Variants in EIF4G3 observed in about 807,000 individuals in gnomAD.
The protein encoded by EIF4G3 is eIF-4-gamma 3.
EIF4G3 carries 34 observed loss-of-function variants against 186.4 expected under a neutral mutation model. That is an observed-to-expected ratio of 0.18 (90% CI 0.14 to 0.24). EIF4G3 has a LOEUF of 0.24. Among genes scored for constraint, EIF4G3 ranks in the 10% least tolerant of loss-of-function variants. EIF4G3 has a pLI of 1.00. For synonymous variants in EIF4G3, 673 were observed against 679.5 expected (o/e 0.99, Z 0.15); for missense variants, 1,536 against 1,948.5 (o/e 0.79, Z 3.99).
intron 3 of EIF4G3, among the ~76,000 whole-genome samples, chr1:21,072,778 G>A (rs989602804): frequency 6.6e-6 from 1 of 152,180 alleles, no homozygotes; most frequent in Non-Finnish European, 1.5e-5. Flanking sequence ...ACCACACTAA[G>A]CTTGTTCAGA....
At chr1:20,921,953 G>T (rs1465072819) in intron 14 of EIF4G3, among the ~76,000 whole-genome samples, 6 of 152,142 alleles carry the variant, frequency 3.9e-5, no homozygotes, top group Admixed American at 1.3e-4. Flanking sequence ...GATGGAATTT[G>T]TCTCAGAGTA....
intron 32 of EIF4G3, among the ~76,000 whole-genome samples, chr1:20,826,262 A>G (rs1388475062): frequency 6.6e-6 from 1 of 152,040 alleles, no homozygotes; most frequent in East Asian, 1.9e-4. Flanking sequence ...CACCTCCCAG[A>G]TTCAAGCGAT....
intron 3 of EIF4G3, among the ~76,000 whole-genome samples, chr1:21,075,459 C>CTTGGGAGG (rs1557836805): frequency 6.6e-6 from 1 of 150,638 alleles, no homozygotes; most frequent in African/African-American, 2.4e-5. Flanking sequence ...ATCCCAGCTA[C>CTTGGGAGG]TTGGGAGGTT....
intron 14 of EIF4G3, among the ~76,000 whole-genome samples, chr1:20,939,855 T>TTC (rs2095650313): frequency 7.4e-6 from 1 of 134,684 alleles, no homozygotes; most frequent in Non-Finnish European, 1.5e-5. Flanking sequence ...TAGTTTTTTT[T>TTC]TTTTTTTTTT....
At chr1:20,948,020 C>G (rs1056564683) in intron 13 of EIF4G3, among the ~76,000 whole-genome samples, 10 of 152,104 alleles carry the variant, frequency 6.6e-5, no homozygotes, top group African/African-American at 4.8e-5. Flanking sequence ...CTATCATCAT[C>G]AAAGTATGTG....
At chr1:21,101,493 C>A (rs1376365444) in intron 2 of EIF4G3, among the ~76,000 whole-genome samples, 1 of 131,270 alleles carries the variant, frequency 7.6e-6, no homozygotes, top group Admixed American at 9.3e-5. Flanking sequence ...TCACTCGAAC[C>A]CAGGAGGTAG....
At chr1:21,084,160 A>G (rs1025356605) in intron 3 of EIF4G3, among the ~76,000 whole-genome samples, 3 of 151,782 alleles carry the variant, frequency 2.0e-5, no homozygotes, top group Admixed American at 1.3e-4. Context: ...CAAAATCTTT[A>G]CTATGGTCTG....
intron 2 of EIF4G3, among the ~76,000 whole-genome samples, chr1:21,112,354 G>A (rs1050678452): frequency 1.3e-5 from 2 of 152,196 alleles, no homozygotes; most frequent in African/African-American, 4.8e-5. Context: ...CAAGACAGCA[G>A]GTCTTCCAGT....
rs151277247 is a variant in EIF4G3 at position 21,169,086 on chromosome 1, G to A, written c.-272+7089C>T. Among the ~76,000 whole-genome samples the A allele has an allele frequency of 6.9e-3, 1,044 of 151,962 alleles. 12 individuals carry two copies. The highest frequency in any genetic ancestry group is 0.024 in the African/African-American group (989 of 41,474). On this transcript the variant is annotated intron_variant, in intron 2 of 36. Transcript: ENST00000602326. ...CTTGGGAGGCTGAGGTGGGAGGATTGCTTGAGCCCAGGAGGTCAAGGCTGT... is the reference window on the plus strand; with the variant it reads ...CTTGGGAGGCTGAGGTGGGAGGATTACTTGAGCCCAGGAGGTCAAGGCTGT...
rs181770126 is a variant in EIF4G3 at position 20,990,437 on chromosome 1, G to A, written c.177+7164C>T. 1.2e-4 allele frequency among the ~76,000 whole-genome samples: 19 copies of A among 152,284 alleles called. No homozygotes were observed. The East Asian group carries it at 3.3e-3, about 26-fold the overall frequency. ...CACCTGTAATCCCAGCACTTTAGGA[G>A]GCTGAGGTGGGCGGATCACGAGGTC... On this transcript the variant is annotated intron_variant, in intron 7 of 36. Coordinates refer to ENST00000602326, the MANE Select transcript of EIF4G3 (RefSeq NM_001391906.1).
chr1:21,119,356 T>A (rs1056114301), intron 2 of EIF4G3, among the ~76,000 whole-genome samples: 16 of 152,146 alleles, frequency 1.1e-4, no homozygotes, highest in Admixed American at 3.9e-4. Flanking sequence ...TAAAGTAACC[T>A]ATTGAAGGTA....
intron 14 of EIF4G3, among the ~76,000 whole-genome samples, chr1:20,924,789 T>C (rs2094752417): frequency 6.6e-6 from 1 of 152,218 alleles, no homozygotes; most frequent in Non-Finnish European, 1.5e-5. Context: ...CTCGAACTCC[T>C]GACCTCAGGT....
intron 14 of EIF4G3, among the ~76,000 whole-genome samples, chr1:20,939,910 G>C (rs1408582177): frequency 7.2e-6 from 1 of 138,086 alleles, no homozygotes; most frequent in Admixed American, 7.9e-5. Flanking sequence ...GCTGGAGTGT[G>C]GCGGCACGAT....
intron 3 of EIF4G3, among the ~76,000 whole-genome samples, chr1:21,065,505 A>G (rs1239433830): frequency 6.6e-6 from 1 of 151,808 alleles, no homozygotes; most frequent in Non-Finnish European, 1.5e-5. Context: ...AGCTATGATC[A>G]TGCTACTGCA....
intron 14 of EIF4G3, among the ~76,000 whole-genome samples, chr1:20,921,011 A>G (rs764864775): frequency 6.6e-6 from 1 of 152,204 alleles, no homozygotes; most frequent in East Asian, 1.9e-4. Flanking sequence ...ATTATTTTAT[A>G]TAATAGAACT....
intron 33 of EIF4G3, among the ~76,000 whole-genome samples, chr1:20,818,082 A>ATC (rs1389471466): frequency 6.6e-6 from 1 of 152,086 alleles, no homozygotes; most frequent in Non-Finnish European, 1.5e-5. Flanking sequence ...CCCTATAATT[A>ATC]TCTCTAGGCT....
intron 3 of EIF4G3, among the ~76,000 whole-genome samples, chr1:21,075,858 G>A (rs1461419363): frequency 6.6e-6 from 1 of 152,070 alleles, no homozygotes. Flanking sequence ...TAAAGGGTGA[G>A]ATAGACTAAA....
chr1:21,148,832 A>G (rs1263141356), intron 2 of EIF4G3, among the ~76,000 whole-genome samples: 1 of 151,582 alleles, frequency 6.6e-6, no homozygotes, highest in Non-Finnish European at 1.5e-5. Flanking sequence ...CAAAAAAAGA[A>G]AAAAAAAATC....
chr1:21,110,286 G>C (rs530330128), intron 2 of EIF4G3, among the ~76,000 whole-genome samples: 4 of 151,594 alleles, frequency 2.6e-5, no homozygotes, highest in African/African-American at 4.9e-5. Flanking sequence ...ACAGGTTTCA[G>C]AGTAACGTTT....
Sources: allele counts gnomAD v4.1 joint callset (sites outside exome capture counted in the v4.1 genomes callset), GRCh38; gene constraint gnomAD v4.1.1; transcripts MANE v1.5; gene names NCBI Gene and HGNC (gene_info 2026-07-23, HGNC 2026-07-21).